Variants in ALCAM observed in about 807,000 individuals in gnomAD.
The protein encoded by ALCAM is CD166 antigen.
A neutral mutation model predicts 70.9 loss-of-function variants in ALCAM; 30 were observed. That is an observed-to-expected ratio of 0.42 (90% CI 0.32 to 0.57). The LOEUF is 0.57. Among genes scored for constraint, ALCAM ranks in the 20% least tolerant of loss-of-function variants. ALCAM has a pLI of 0.11. For missense variants in ALCAM, 591 were observed against 695.1 expected, an observed-to-expected ratio of 0.85 and a Z score of 1.68; for synonymous variants, 249 against 242.5, an observed-to-expected ratio of 1.03 and a Z score of -0.25.
chr3:105,407,549 T>C (rs779944278), intron 1 of ALCAM, among the ~76,000 whole-genome samples: 2 of 152,040 alleles, frequency 1.3e-5, no homozygotes, highest in African/African-American at 2.4e-5. Flanking sequence ...CTCAGCAAAA[T>C]TGGCAGAGAA....
chr3:105,414,803 T>C (rs1936469906), intron 1 of ALCAM, among the ~76,000 whole-genome samples: 1 of 152,130 alleles, frequency 6.6e-6, no homozygotes, highest in Non-Finnish European at 1.5e-5. Context: ...TTATTTTGTA[T>C]ATATTGGGAA....
intron 1 of ALCAM, among the ~76,000 whole-genome samples, chr3:105,448,667 T>C (rs897408756): frequency 7.2e-5 from 11 of 152,184 alleles, no homozygotes; most frequent in Admixed American, 7.2e-4. Flanking sequence ...GACTCTGCAC[T>C]AGGACTAGAA....
In ALCAM at chr3:105,441,115, C is replaced by T. The variant is rs373080626; in HGVS notation, c.73+73634C>T. ...GTTCTACCCATCAATCATAATCACT[C>T]GGTTATTAACAGAGTATTTGCCAAA... On this transcript the variant is annotated intron_variant, in intron 1 of 15. Transcript: ENST00000306107. 3.3e-5 allele frequency among the ~76,000 whole-genome samples: 5 copies of T among 152,034 alleles called. No individual in the cohort carries two copies. The East Asian group carries it at 9.7e-4, about 29-fold the overall frequency.
intron 2 of ALCAM, among the ~76,000 whole-genome samples, chr3:105,523,139 C>CAAAAAAA (rs59478384): frequency 2.1e-4 from 18 of 87,008 alleles, no homozygotes; most frequent in African/African-American, 6.4e-4. Context: ...GACTCCGTCT[C>CAAAAAAA]AAAAAAAAAA....
intron 1 of ALCAM, among the ~76,000 whole-genome samples, chr3:105,433,582 A>G (rs1936984845): frequency 1.3e-5 from 2 of 151,910 alleles, no homozygotes; most frequent in Non-Finnish European, 2.9e-5. Context: ...GAGGGATTGA[A>G]TCTACCAATT....
intron 3 of ALCAM, chr3:105,525,255 G>A (rs1939670569): frequency 1.0e-6 from 1 of 984,948 alleles, no homozygotes. Context: ...AAGAAACTTG[G>A]AATAATTATA....
At chr3:105,568,736 C>T (rs1453469388) in intron 14 of ALCAM, among the ~76,000 whole-genome samples, 2 of 152,172 alleles carry the variant, frequency 1.3e-5, no homozygotes, top group Admixed American at 6.5e-5. Flanking sequence ...GAGAAGTGCC[C>T]TCAGAGGAAA....
chr3:105,507,699 T>C (rs1939120657), intron 1 of ALCAM, among the ~76,000 whole-genome samples: 2 of 152,248 alleles, frequency 1.3e-5, no homozygotes, highest in South Asian at 4.1e-4. Context: ...TTTTAGAAGT[T>C]ATAAGTAAAG....
intron 1 of ALCAM, among the ~76,000 whole-genome samples, chr3:105,385,378 G>T (rs1349456642): frequency 6.6e-6 from 1 of 151,420 alleles, no homozygotes; most frequent in African/African-American, 2.4e-5. Context: ...AAAGGGGAGA[G>T]GAATGAGTGG....
intron 1 of ALCAM, among the ~76,000 whole-genome samples, chr3:105,434,100 A>C (rs932848575): frequency 6.6e-6 from 1 of 152,196 alleles, no homozygotes; most frequent in Non-Finnish European, 1.5e-5. Flanking sequence ...GAATTTCATG[A>C]TTCATAACAA....
chr3:105,422,055 C>G (rs985893533), intron 1 of ALCAM, among the ~76,000 whole-genome samples: 2 of 151,348 alleles, frequency 1.3e-5, no homozygotes, highest in African/African-American at 4.8e-5. Context: ...TGCATACTCA[C>G]AGCTTAGCTC....
At chr3:105,492,321 G>T (rs1576199134) in intron 1 of ALCAM, among the ~76,000 whole-genome samples, 1 of 152,202 alleles carries the variant, frequency 6.6e-6, no homozygotes, top group East Asian at 1.9e-4. Flanking sequence ...GATGAGAACT[G>T]GTTGGGGATA....
chr3:105,420,370 GA>G (rs1258520287), intron 1 of ALCAM, among the ~76,000 whole-genome samples: 1 of 151,532 alleles, frequency 6.6e-6, no homozygotes, highest in Admixed American at 6.6e-5. Flanking sequence ...TCTTTTTAAA[GA>G]AAATGACAGG....
At chr3:105,496,844 G>A (rs940886855) in intron 1 of ALCAM, among the ~76,000 whole-genome samples, 1 of 151,676 alleles carries the variant, frequency 6.6e-6, no homozygotes, top group Admixed American at 6.6e-5. Context: ...GTGTGTGTGT[G>A]TGTGTGTGTG....
intron 1 of ALCAM, among the ~76,000 whole-genome samples, chr3:105,466,108 C>T (rs536123439): frequency 4.0e-5 from 6 of 151,342 alleles, no homozygotes; most frequent in Non-Finnish European, 8.9e-5. Flanking sequence ...TATTTCTTGG[C>T]CCTTAAGTGC....
chr3:105,572,692 T>C (rs1940883204), intron 15 of ALCAM, among the ~76,000 whole-genome samples: 1 of 152,130 alleles, frequency 6.6e-6, no homozygotes, highest in African/African-American at 2.4e-5. Flanking sequence ...TAATTTACAC[T>C]CCCACCAACA....
intron 1 of ALCAM, among the ~76,000 whole-genome samples, chr3:105,432,191 C>A (rs960727083): frequency 3.9e-5 from 6 of 152,130 alleles, no homozygotes; most frequent in African/African-American, 1.4e-4. Context: ...GCAAAATATA[C>A]AACTTGCAAA....
At chr3:105,555,037 T>A (rs573244701) in intron 14 of ALCAM, among the ~76,000 whole-genome samples, 1 of 152,092 alleles carries the variant, frequency 6.6e-6, no homozygotes, top group East Asian at 1.9e-4. Flanking sequence ...CATTTGTCCC[T>A]CTATGAATAA....
chr3:105,484,341 A>T (rs1938361639), intron 1 of ALCAM, among the ~76,000 whole-genome samples: 1 of 150,694 alleles, frequency 6.6e-6, no homozygotes. Flanking sequence ...TCAAATCAAG[A>T]ATATCTATGA....
Sources: allele counts gnomAD v4.1 joint callset (sites outside exome capture counted in the v4.1 genomes callset), GRCh38; gene constraint gnomAD v4.1.1; transcripts MANE v1.5; gene names NCBI Gene and HGNC (gene_info 2026-07-23, HGNC 2026-07-21).